RNF213: variants seen among roughly 807,000 people sequenced by gnomAD.
RNF213 encodes the protein E3 ubiquitin-protein ligase RNF213.
RNF213 carries 341 observed loss-of-function variants against 514.4 expected under a neutral mutation model. That is an observed-to-expected ratio of 0.66 (90% CI 0.61 to 0.73). The LOEUF (loss-of-function observed/expected upper bound fraction) is 0.73, where lower values mean the gene tolerates loss of function less well. Among genes scored for constraint, RNF213 ranks in the 30% least tolerant of loss-of-function variants. The probability of loss-of-function intolerance (pLI) is 0.00; values close to 1 mark genes in which losing one functional copy is unlikely to be tolerated. For missense variants in RNF213, 5,767 were observed against 6,615.6 expected (o/e 0.87, Z 4.45); for synonymous variants, 2,655 against 2,658.2 (o/e 1.00, Z 0.04).
chr17:80,352,610 C>T, intron 32 of RNF213: 2 of 584,140 alleles, frequency 3.4e-6, no homozygotes, highest in South Asian at 2.2e-5. Flanking sequence ...CAGTGTCCCC[C>T]ACCCCTCACT....
chr17:80,325,400 C>T (rs553321001), intron 18 of RNF213, among the ~76,000 whole-genome samples: 1 of 152,110 alleles, frequency 6.6e-6, no homozygotes, highest in African/African-American at 2.4e-5. Context: ...CTAACAGCCA[C>T]TATTCATTGA....
rs1331626437 is a variant in RNF213, at chr17:80,264,954, CCT to C, written c.97+1179_97+1180del. 1.2e-4 allele frequency among the ~76,000 whole-genome samples: 19 copies of C among 152,148 alleles called. No homozygotes were observed. Among genetic ancestry groups the C allele is most frequent in the Admixed American group, 1.1e-3 (17 of 15,278 alleles). On this transcript the variant is annotated intron_variant, in intron 2 of 67. Coordinates refer to ENST00000582970, the MANE Select transcript of RNF213 (RefSeq NM_001256071.3). This position sits in a 1 kb window ranked among gnomAD's most constrained non-coding sequence, Gnocchi z 5.0. ...GAGGGCGGCCTGGCTCCCTCCTTCC[CCT>C]CTTTCAGTCTTTGCCCAGCTGCTCG...
intron 17 of RNF213, chr17:80,320,152 A>G: frequency 2.5e-6 from 1 of 397,908 alleles, no homozygotes; most frequent in Non-Finnish European, 3.4e-6. Context: ...TTCAAAGAGA[A>G]ACCCGGCCCC....
rs1211144978 is a variant in RNF213 at position 80,315,286 on chromosome 17, T to A, written c.2812-1902T>A. ...GTGGAGGTAATGGAGGTGATGGTGGTGGTGGTGGTGGAGGTAATGGAGGTG... is the reference window on the plus strand; with the variant it reads ...GTGGAGGTAATGGAGGTGATGGTGGAGGTGGTGGTGGAGGTAATGGAGGTG... On this transcript the variant is annotated intron_variant, in intron 15 of 67. Transcript: ENST00000582970. 1.8e-4 allele frequency among the ~76,000 whole-genome samples: 9 copies of A among 50,512 alleles called. 2 individuals carry two copies. The highest frequency in any genetic ancestry group is 1.5e-3 in the African/African-American group (9 of 6,114). The allele number at this position is 50,512 out of a possible 152,430, so 33.1% of individuals were successfully genotyped here. A position where few individuals can be genotyped will look rare whatever the true frequency, so the allele number is the denominator to read the frequency against.
chr17:80,379,453 T>C, intron 54 of RNF213, 167 bp from the exon 55 acceptor site: 1 of 706,318 alleles, frequency 1.4e-6, no homozygotes, highest in Non-Finnish European at 2.6e-6. Flanking sequence ...AGTGAGTACC[T>C]ACCCTGTTCC....
chr17:80,313,664 G>T (rs1199323677), intron 15 of RNF213, among the ~76,000 whole-genome samples: 1 of 151,360 alleles, frequency 6.6e-6, no homozygotes, highest in East Asian at 1.9e-4. Flanking sequence ...TGGAGGTGAT[G>T]GTGGAGGTAA....
chr17:80,278,907 G>A, intron 3 of RNF213: 1 of 1,537,164 alleles, frequency 6.5e-7, no homozygotes. Context: ...CAGACTGTGA[G>A]CAGGTAGTCC....
rs201418967 is a variant in RNF213 at position 80,295,779 on chromosome 17, C to T, written c.1978C>T (p.Arg660Cys). 53 of 1,614,116 alleles carry T rather than the reference C, an allele frequency of 3.3e-5. No individual in the cohort carries two copies. Among genetic ancestry groups the T allele is most frequent in the East Asian group, 1.8e-4 (8 of 44,886 alleles). The part of the protein sequence containing the change: ...SDASSPDEFH[R>C]DLSHILGIPQ... ...TGCCAGCTCACCAGATGAGTTTCAC[C>T]GTGACCTAAGCCACATCCTTGGGAT... Residue 660 changes from arginine to cysteine, a missense_variant, in exon 10 of 68, where the codon CGT becomes TGT. Physicochemically the swap from Arg to Cys is radical, Grantham distance 180. Transcript: ENST00000582970.
chr17:80,337,796 C>G, intron 24 of RNF213, 37 bp from the exon 25 acceptor site: 2 of 1,536,340 alleles, frequency 1.3e-6, no homozygotes, highest in Non-Finnish European at 1.7e-6. Flanking sequence ...GGTCTTCTGG[C>G]CCCAAGAAAG....
chr17:80,378,274 G>A (rs192889985), intron 54 of RNF213, among the ~76,000 whole-genome samples: 1 of 152,310 alleles, frequency 6.6e-6, no homozygotes, highest in Admixed American at 6.5e-5. Context: ...AGCCCTCAGA[G>A]GAGGTGTGGT....
rs540631690 is a variant in RNF213 at position 80,385,423 on chromosome 17, T to C, written c.14456-115T>C. The C allele has an allele frequency of 2.2e-5, 22 of 998,600 alleles. 1 individual carries two copies. Among genetic ancestry groups the C allele is most frequent in the South Asian group, 2.2e-4 (16 of 73,598 alleles). 61.9% of individuals were successfully genotyped at this position (998,600 alleles called of 1,614,324 possible). On this transcript the variant is annotated intron_variant, in intron 60 of 67. Transcript: ENST00000582970. ...CCTTCAAACAGCACCTCAGACATGC[T>C]TGTGACTGCACAAAGCAGGAAAGAT...
Position 80,345,207 on chromosome 17 carries a change from C to A in RNF213, c.6872C>A (p.Pro2291His), listed in dbSNP as rs1282526098. 1.2e-5 allele frequency: 20 copies of A among 1,614,090 alleles called. No homozygotes were observed. In the South Asian group the frequency reaches 2.1e-4, roughly 17 times the overall value. ...GGGGTTAGGGAAGAAGATCTAGCGCCCTTCTCCCTCCGGAAGAGGTGGGAG... is the reference window on the plus strand; with the variant it reads ...GGGGTTAGGGAAGAAGATCTAGCGCACTTCTCCCTCCGGAAGAGGTGGGAG... Reference protein sequence around the residue: ...MDGVREEDLAPFSLRKRWESE... With the variant: ...MDGVREEDLAHFSLRKRWESE... The change falls in exon 29 of 68, where the codon CCC (proline) becomes CAC (histidine). Residue 2291 changes from proline to histidine, a missense_variant. Pro to His is a moderately conservative substitution (Grantham distance 77). Around this residue, in one of 13 missense-constraint regions of RNF213, gnomAD observed 1,377 missense variants for 1,635.2 expected, o/e 0.84. Coordinates refer to ENST00000582970, the MANE Select transcript of RNF213 (RefSeq NM_001256071.3). The surrounding 1 kb of genome is among the most constrained non-coding windows in gnomAD (Gnocchi z 6.0).
Position 80,368,066 on chromosome 17 carries a change from C to T in RNF213, c.12078C>T (p.Ala4026=), listed in dbSNP as rs373527879. 3.1e-6 allele frequency: 5 copies of T among 1,614,266 alleles called. No individual in the cohort carries two copies. In the African/African-American group the frequency reaches 6.7e-5, roughly 22 times the overall value. The part of the protein sequence containing the change: ...HCLRCLRAWF[A]SEQMICPYCL... The stretch of plus-strand genomic sequence containing the variant: ...TGCGCTGCCTCAGGGCCTGGTTTGC[C>T]TCAGAGCAGATGATATGCCCCTACT... The change falls in exon 44 of 68, where the codon GCC becomes GCT. Residue 4026 remains alanine (A), a synonymous_variant. Transcript: ENST00000582970.
At position 80,328,336 on chromosome 17, in the gene RNF213, A is replaced by C. The variant is rs1318955449; in HGVS notation, c.3376A>C (p.Ser1126Arg). The C allele has an allele frequency of 1.1e-5, 17 of 1,535,038 alleles. 1 individual carries two copies. In the East Asian group the frequency reaches 2.4e-4, roughly 22 times the overall value. The change falls in exon 20 of 68, where the codon AGT (serine) becomes CGT (arginine). Residue 1126 changes from serine (S) to arginine (R), a missense_variant. Transcript: ENST00000582970. Reference protein sequence around the residue: ...FLDIWQLREKSLSPQDEQCAV... With the variant: ...FLDIWQLREKRLSPQDEQCAV... ...GTGTTCTTATTTTCCAGGGGAAAAA[A>C]GTCTTTCACCCCAGGATGAACAATG...
At chr17:80,381,890 A>AAGGC in intron 57 of RNF213, 163 bp downstream of exon 57, 2 of 734,902 alleles carry the variant, frequency 2.7e-6, no homozygotes, top group Non-Finnish European at 4.6e-6. Flanking sequence ...GTGTCTAGGG[A>AAGGC]AGGCGATGCC....
In RNF213 at chr17:80,344,803, G is replaced by T. The variant is rs1319387535; in HGVS notation, c.6468G>T (p.Leu2156=). 2.5e-6 allele frequency: 4 copies of T among 1,614,224 alleles called. No homozygotes were observed. In the Admixed American group the frequency reaches 6.7e-5, roughly 27 times the overall value. Residue 2156 remains leucine, a synonymous_variant, in exon 29 of 68, where the codon CTG becomes CTT. Transcript: ENST00000582970. ...LRSDTEPGMD[L]WEFCSETFQR... ...GTGACACAGAGCCTGGGATGGATCT[G>T]TGGGAGTTCTGCAGCGAAACTTTCC...
intron 10 of RNF213, among the ~76,000 whole-genome samples, 199 bp from the exon 11 acceptor site, chr17:80,298,122 G>A (rs1314512587): frequency 6.6e-6 from 1 of 152,120 alleles, no homozygotes; most frequent in Admixed American, 6.5e-5. Context: ...ATTCGGTGAG[G>A]GCCTGCAAAG....
chr17:80,389,061 G>T, intron 64 of RNF213, 112 bp from the exon 65 acceptor site: 1 of 1,024,686 alleles, frequency 9.8e-7, no homozygotes, highest in Non-Finnish European at 1.5e-6. Context: ...CTGTTAGAGA[G>T]TTGGCCCCCC....
chr17:80,308,417 G>C (rs775124939), intron 13 of RNF213, among the ~76,000 whole-genome samples: 68 of 151,542 alleles, frequency 4.5e-4, no homozygotes, highest in Non-Finnish European at 7.5e-4. Flanking sequence ...GTCCCCTCCT[G>C]AGTCCCTCCC....
Sources: gnomAD v4.1 joint callset for allele counts (sites outside exome capture counted in the v4.1 genomes callset) on GRCh38, gnomAD v4.1.1 for gene constraint, gnomAD v4.1.1 regional missense constraint, Gnocchi (gnomAD v3.1) non-coding constraint, MANE v1.5 for transcripts, NCBI Gene and HGNC (gene_info 2026-07-23, HGNC 2026-07-21) for gene names.